CSMD2: variants seen among roughly 807,000 people sequenced by gnomAD.
CSMD2 encodes the protein CUB and sushi domain-containing protein 2.
A neutral mutation model predicts 398.5 loss-of-function variants in CSMD2; 130 were observed. The observed-to-expected ratio is 0.33, with a 90% CI of 0.28 to 0.38. The LOEUF is 0.38. Among genes scored for constraint, CSMD2 ranks in the 10% least tolerant of loss-of-function variants. The pLI is 1.00. For synonymous variants in CSMD2, 1,828 were observed against 1,908.5 expected (o/e 0.96, Z 1.10); for missense variants, 3,829 against 4,764.9 (o/e 0.80, Z 5.78).
intron 17 of CSMD2, among the ~76,000 whole-genome samples, chr1:33,724,912 A>C (rs952348830): frequency 2.0e-5 from 3 of 152,200 alleles, no homozygotes; most frequent in Non-Finnish European, 4.4e-5. Flanking sequence ...CCTTGTCCTC[A>C]TGGTGCTCGC....
At chr1:34,135,284 AC>A (rs1207633121) in intron 1 of CSMD2, among the ~76,000 whole-genome samples, 1 of 144,062 alleles carries the variant, frequency 6.9e-6, no homozygotes, top group Non-Finnish European at 1.5e-5. Flanking sequence ...ACACACACAC[AC>A]AATTATTTTG....
intron 48 of CSMD2, among the ~76,000 whole-genome samples, chr1:33,578,916 C>T (rs531460424): frequency 3.3e-5 from 5 of 152,208 alleles, no homozygotes; most frequent in South Asian, 2.1e-4. Flanking sequence ...CTGCTTTGCC[C>T]GCTGTGTCCT....
intron 5 of CSMD2, among the ~76,000 whole-genome samples, chr1:33,883,478 T>G (rs1641374575): frequency 6.6e-6 from 1 of 152,180 alleles, no homozygotes; most frequent in Non-Finnish European, 1.5e-5. Flanking sequence ...CCTTTTTTTT[T>G]TAAGTCAGTA....
intron 5 of CSMD2, among the ~76,000 whole-genome samples, chr1:33,891,670 G>C (rs372299848): frequency 2.6e-5 from 4 of 152,006 alleles, no homozygotes; most frequent in East Asian, 1.9e-4. Context: ...CAATGATAGA[G>C]TGGATTAAGA....
chr1:33,882,616 T>A (rs1641311295), intron 5 of CSMD2, among the ~76,000 whole-genome samples: 1 of 152,200 alleles, frequency 6.6e-6, no homozygotes, highest in Non-Finnish European at 1.5e-5. Flanking sequence ...ATGAGTTCAC[T>A]GCAGAGGTCA....
intron 1 of CSMD2, among the ~76,000 whole-genome samples, chr1:34,089,531 GA>G (rs1409441227): frequency 6.6e-6 from 1 of 152,152 alleles, no homozygotes; most frequent in Admixed American, 6.5e-5. Context: ...TGGAATGTCA[GA>G]ACCACAATTT....
Position 33,810,855 on chromosome 1 carries a change from C to T in CSMD2, c.1334G>A (p.Cys445Tyr), listed in dbSNP as rs1307949012. 1.2e-6 allele frequency: 2 copies of T among 1,611,586 alleles called. No homozygotes were observed. Among genetic ancestry groups the T allele is most frequent in the Non-Finnish European group, 1.7e-6 (2 of 1,179,074 alleles). The change falls in exon 10 of 71, where the codon TGT becomes TAT. Residue 445 changes from cysteine (C) to tyrosine (Y), a missense_variant. Around this residue, in one of 5 missense-constraint regions of CSMD2, gnomAD observed 2,001 missense variants for 2,567.1 expected, o/e 0.78. Coordinates refer to ENST00000373381, the MANE Select transcript of CSMD2 (RefSeq NM_001281956.2). ...DHRPVCRARM[C>Y]DAHLRGPSGI... ...CGAGGGGCCTCGAAGGTGGGCATCA[C>T]ACATGCGGGCTGCAGAGGAGATGAA...
At chr1:33,988,730 T>C (rs1162049922) in intron 3 of CSMD2, among the ~76,000 whole-genome samples, 1 of 151,688 alleles carries the variant, frequency 6.6e-6, no homozygotes, top group Admixed American at 6.6e-5. Flanking sequence ...AAAAAAATAC[T>C]AAGACAAGGA....
intron 6 of CSMD2, among the ~76,000 whole-genome samples, chr1:33,842,483 T>G (rs1042326275): frequency 1.3e-4 from 20 of 152,092 alleles, no homozygotes; most frequent in African/African-American, 4.8e-4. Flanking sequence ...TACCACACTT[T>G]CCAGTCTCAG....
chr1:33,771,979 G>A (rs918000608), intron 13 of CSMD2: 1 of 152,302 alleles, frequency 6.6e-6, no homozygotes, highest in African/African-American at 2.4e-5. Context: ...TCATCCAAGA[G>A]GAAGGAAGAA....
chr1:34,108,521 G>A (rs951918996), intron 1 of CSMD2, among the ~76,000 whole-genome samples: 6 of 152,144 alleles, frequency 3.9e-5, no homozygotes, highest in Non-Finnish European at 8.8e-5. Flanking sequence ...TCCATGGTCC[G>A]GAACCGTAAA....
chr1:33,728,749 T>C (rs1380513899), intron 15 of CSMD2, among the ~76,000 whole-genome samples: 1 of 152,236 alleles, frequency 6.6e-6, no homozygotes, highest in Non-Finnish European at 1.5e-5. Flanking sequence ...ATTATCCTTG[T>C]GACAATGGCA....
chr1:34,155,424 G>T (rs1187411232), intron 1 of CSMD2, among the ~76,000 whole-genome samples: 1 of 152,216 alleles, frequency 6.6e-6, no homozygotes, highest in Non-Finnish European at 1.5e-5. Context: ...CTGGACGAAT[G>T]TGTTAGTGAG....
rs1645700448 is a variant in CSMD2, at chr1:33,704,192, CA to C, written c.3577-3520del. On this transcript the variant is annotated intron_variant, in intron 22 of 70. Transcript: ENST00000373381. ...AAGTTTTATTTGGTTATAGAAACAC[CA>C]GAAGCTTTGTGAATTTTCTTATTGA... Among the ~76,000 whole-genome samples, 4 of 152,032 alleles carry C rather than the reference CA, an allele frequency of 2.6e-5. No individual in the cohort carries two copies. In the South Asian group the frequency reaches 8.3e-4, roughly 32 times the overall value.
chr1:33,847,919 A>T (rs1638394379), intron 5 of CSMD2, among the ~76,000 whole-genome samples: 1 of 152,206 alleles, frequency 6.6e-6, no homozygotes, highest in Non-Finnish European at 1.5e-5. Context: ...AGCTGTCAGT[A>T]ACGGCAGCTG....
chr1:33,933,462 T>C (rs1385752914), intron 4 of CSMD2, among the ~76,000 whole-genome samples: 2 of 152,236 alleles, frequency 1.3e-5, no homozygotes, highest in African/African-American at 4.8e-5. Context: ...CAAAATAGCA[T>C]GGCATTTATA....
chr1:33,773,906 C>T (rs1016973586), intron 12 of CSMD2, among the ~76,000 whole-genome samples: 1 of 152,098 alleles, frequency 6.6e-6, no homozygotes, highest in African/African-American at 2.4e-5. Context: ...GAGCCACAGT[C>T]CCTGAAGTTG....
chr1:33,886,648 C>CGATGG (rs1641617754), intron 5 of CSMD2, among the ~76,000 whole-genome samples: 1 of 152,098 alleles, frequency 6.6e-6, no homozygotes, highest in African/African-American at 2.4e-5. Context: ...AGTGGGCAGC[C>CGATGG]GATGGGAAAT....
At chr1:33,704,074 CTCAGT>C (rs1172036092) in intron 22 of CSMD2, among the ~76,000 whole-genome samples, 7 of 152,188 alleles carry the variant, frequency 4.6e-5, no homozygotes, top group East Asian at 1.9e-4. Context: ...TTTATCTTCT[CTCAGT>C]TAAGATCATG....
Sources: gnomAD v4.1 joint callset for allele counts (sites outside exome capture counted in the v4.1 genomes callset) on GRCh38, gnomAD v4.1.1 for gene constraint, gnomAD v4.1.1 regional missense constraint, MANE v1.5 for transcripts, NCBI Gene and HGNC (gene_info 2026-07-23, HGNC 2026-07-21) for gene names.